The following CTCFL variants were observed in gnomAD, a reference collection of about 807,000 sequenced individuals.
CTCFL encodes CCCTC-binding factor like.
CTCFL carries 36 observed loss-of-function variants against 67.4 expected under a neutral mutation model. The ratio of observed to expected loss-of-function variants is 0.53; its 90% confidence interval spans 0.41 to 0.71. The LOEUF (loss-of-function observed/expected upper bound fraction) is 0.71, where lower values mean the gene tolerates loss of function less well. Ranked by LOEUF, CTCFL falls within the 30% of genes least tolerant of loss-of-function variation. CTCFL has a pLI of 0.00. For synonymous variants in CTCFL, 324 were observed against 302.3 expected, an observed-to-expected ratio of 1.07 and a Z score of -0.75; for missense variants, 786 against 835.2, an observed-to-expected ratio of 0.94 and a Z score of 0.73.
Position 57,523,875 on chromosome 20 carries a change from C to T in CTCFL, c.331G>A (p.Val111Met), listed in dbSNP as rs2069609419. Residue 111 changes from valine (V) to methionine (M), a missense_variant, in exon 2 of 11, where the codon GTG becomes ATG. Physicochemically the swap from Val to Met is conservative, Grantham distance 21. This residue lies in a region of CTCFL where 333 missense variants were observed against 304.6 expected (regional missense o/e 1.09). Transcript: ENST00000243914. ...SIQQQEGVQV[V>M]VQQPGPGLLW... is the part of the protein sequence containing the mutation. The stretch of plus-strand genomic sequence containing the variant: ...AACCCAGGGCCAGGCTGTTGCACCA[C>T]CACCTGCACCCCTTCTTGCTGCTGT... 2 of 1,613,224 alleles carry T rather than the reference C, an allele frequency of 1.2e-6. No individual in the cohort carries two copies. Among genetic ancestry groups the T allele is most frequent in the African/African-American group, 1.3e-5 (1 of 75,064 alleles).
chr20:57,504,264 CTG>C (rs2068075212), intron 9 of CTCFL, among the ~76,000 whole-genome samples: 8 of 147,472 alleles, frequency 5.4e-5, no homozygotes, highest in Non-Finnish European at 7.5e-5. Flanking sequence ...GCATGAGCCA[CTG>C]CACCCGCCCC....
chr20:57,515,901 A>C, intron 5 of CTCFL, 67 bp from the exon 6 acceptor site: 1 of 1,511,328 alleles, frequency 6.6e-7, no homozygotes, highest in Admixed American at 2.0e-5. Context: ...TCCATTAATC[A>C]GCATTGTAAA....
intron 5 of CTCFL, chr20:57,518,543 T>TC: frequency 2.1e-6 from 3 of 1,415,974 alleles, no homozygotes; most frequent in Non-Finnish European, 2.8e-6. Context: ...AACCTTTACA[T>TC]ATTATTTTCA....
At chr20:57,510,761 G>T (rs1410638141) in intron 8 of CTCFL, among the ~76,000 whole-genome samples, 1 of 152,228 alleles carries the variant, frequency 6.6e-6, no homozygotes, top group African/African-American at 2.4e-5. Flanking sequence ...TACTCAGGAG[G>T]CTGAGGCAGG....
At position 57,525,080 on chromosome 20, in the gene CTCFL, T is replaced by G. The variant is rs2069774855; in HGVS notation, c.-64A>C. 6.6e-6 allele frequency: 1 copy of G among 151,980 alleles called. No homozygotes were observed. Among genetic ancestry groups the G allele is most frequent in the East Asian group, 1.9e-4 (1 of 5,132 alleles). The allele number at this position is 151,980 out of a possible 1,614,324, so 9.4% of individuals were successfully genotyped here. On this transcript the variant is annotated 5_prime_UTR_variant, in exon 1 of 11. Coordinates refer to ENST00000243914, the MANE Select transcript of CTCFL (RefSeq NM_001386993.1). The stretch of plus-strand genomic sequence containing the variant: ...CCCACTCCGTCTTTGGCTTGTGGGC[T>G]CTGCCTCGTGCACCGCGTGCTGCAG...
At position 57,504,583 on chromosome 20, in the gene CTCFL, G is replaced by T. The variant is rs2068098722; in HGVS notation, c.1675-982C>A. The stretch of plus-strand genomic sequence containing the variant: ...AGGCGTGAGCCACCGCACTGGCCAA[G>T]ATAACATCCTAACATCCGTCCCTGA... On this transcript the variant is annotated intron_variant, in intron 9 of 10. Transcript: ENST00000243914. 2.6e-5 allele frequency among the ~76,000 whole-genome samples: 4 copies of T among 151,758 alleles called. No homozygotes were observed. In the South Asian group the frequency reaches 8.3e-4, roughly 31 times the overall value.
rs1272079969 is a variant in CTCFL at position 57,498,153 on chromosome 20, G to A, written c.*397C>T. On this transcript the variant is annotated 3_prime_UTR_variant, in exon 11 of 11. Coordinates refer to ENST00000243914, the MANE Select transcript of CTCFL (RefSeq NM_001386993.1). ...GACTGTGGAAGCACTAGCTGGTCTA[G>A]ACTATTTTGAAATATCCAAAAATCA... The A allele has an allele frequency of 3.0e-6, 3 of 989,844 alleles. No homozygotes were observed. 61.3% of individuals were successfully genotyped at this position (989,844 alleles called of 1,614,324 possible).
At chr20:57,525,224 T>G (rs1222003014), upstream of CTCFL, 2 of 103,398 alleles carry the variant, frequency 1.9e-5, no homozygotes, top group South Asian at 4.0e-4. Context: ...GAGGGGGTGA[T>G]GTACTGTGGG....
intron 3 of CTCFL, among the ~76,000 whole-genome samples, chr20:57,521,134 C>T (rs1276338154): frequency 6.6e-6 from 1 of 152,220 alleles, no homozygotes; most frequent in Non-Finnish European, 1.5e-5. Flanking sequence ...ATTTCACACT[C>T]GTAGCTTCCA....
At chr20:57,521,138 G>A (rs957619013) in intron 3 of CTCFL, among the ~76,000 whole-genome samples, 1 of 152,352 alleles carries the variant, frequency 6.6e-6, no homozygotes, top group South Asian at 2.1e-4. Context: ...CACACTCGTA[G>A]CTTCCACAAC....
intron 10 of CTCFL, among the ~76,000 whole-genome samples, chr20:57,499,079 G>T (rs1180694665): frequency 9.0e-5 from 11 of 122,024 alleles, no homozygotes; most frequent in Middle Eastern, 4.0e-3. Context: ...GTGACGGGGG[G>T]GGGGTGGGGG....
chr20:57,503,484 C>T lies in CTCFL; in HGVS notation c.1792G>A (p.Gly598Ser), dbSNP rs947688028. 1.9e-6 allele frequency: 3 copies of T among 1,614,228 alleles called. No individual in the cohort carries two copies. The highest frequency in any genetic ancestry group is 2.2e-5 in the South Asian group (2 of 91,082). ...KQTILKEATK[G>S]QKEAAKGWKE... is the part of the protein sequence containing the mutation. Reference sequence around the variant, plus strand: ...CATCCCTTCGCAGCTTCCTTCTGACCCTTTGTGGCTTCCTTCAGGATGGTC... The same window carrying T: ...CATCCCTTCGCAGCTTCCTTCTGACTCTTTGTGGCTTCCTTCAGGATGGTC... The change falls in exon 10 of 11, where the codon GGT (glycine) becomes AGT (serine). Residue 598 changes from glycine (G) to serine (S), a missense_variant. Gly to Ser is a moderately conservative substitution (Grantham distance 56, BLOSUM62 0). Coordinates refer to ENST00000243914, the MANE Select transcript of CTCFL (RefSeq NM_001386993.1).
chr20:57,496,211 C>G (rs1430879282), downstream of CTCFL: 2 of 597,748 alleles, frequency 3.3e-6, no homozygotes, highest in Non-Finnish European at 6.1e-6. Context: ...TCTGGTCGTT[C>G]AGAGGAGTGT....
At chr20:57,524,725 G>A (rs1451515424) in intron 1 of CTCFL, 20 of 997,752 alleles carry the variant, frequency 2.0e-5, no homozygotes, top group Non-Finnish European at 2.4e-5. Context: ...CATTCCCCTC[G>A]TGCACGGTTC....
At position 57,523,967 on chromosome 20, in the gene CTCFL, A is replaced by G. The variant is rs576694686; in HGVS notation, c.239T>C (p.Leu80Pro). 6.2e-7 allele frequency: 1 copy of G among 1,613,168 alleles called. No homozygotes were observed. Among genetic ancestry groups the G allele is most frequent in the Admixed American group, 1.7e-5 (1 of 60,024 alleles). The change falls in exon 2 of 11, where the codon CTG (leucine) becomes CCG (proline). Residue 80 changes from leucine to proline, a missense_variant. By Grantham distance (98) the Leu-to-Pro change is moderately conservative. Around this residue, in one of 3 missense-constraint regions of CTCFL, gnomAD observed 333 missense variants for 304.6 expected, o/e 1.09. Transcript: ENST00000243914. ...AGTGAAGTGCACCGTCTGCAGGGTC[A>G]GGATGTACTTCTCGCTCTCCTCCGA... is the stretch of plus-strand genomic sequence containing the variant. ...APSEESEKYI[L>P]TLQTVHFTSE...
At chr20:57,518,530 G>C in intron 5 of CTCFL, 1 of 1,413,992 alleles carries the variant, frequency 7.1e-7, no homozygotes, top group Non-Finnish European at 9.3e-7. Context: ...TTTGTAATTT[G>C]TAAACCTTTA....
At position 57,519,507 on chromosome 20, in the gene CTCFL, C is replaced by T. The variant is rs1341480024; in HGVS notation, c.755-130G>A. 3.8e-6 allele frequency: 3 copies of T among 787,900 alleles called. No homozygotes were observed. In the African/African-American group the frequency reaches 5.2e-5, roughly 14 times the overall value. The allele number at this position is 787,900 out of a possible 1,614,324, so 48.8% of individuals were successfully genotyped here. A position where few individuals can be genotyped will look rare whatever the true frequency, so the allele number is the denominator to read the frequency against. ...CAATAGCACATGCTATTTATATCCA[C>T]AAGCTGATCGAAGCAATTCAGGACA... On this transcript the variant is annotated intron_variant, in intron 3 of 10. Transcript: ENST00000243914.
chr20:57,498,057 T>C lies in CTCFL; in HGVS notation c.*493A>G, dbSNP rs114653600. The C allele has an allele frequency of 3.2e-3, 2,869 of 898,054 alleles. 77 individuals are homozygous for C. In the African/African-American group the frequency reaches 0.047, roughly 15 times the overall value. 55.6% of individuals were successfully genotyped at this position (898,054 alleles called of 1,614,324 possible). ...TCATTTGTATAAAAACATTTGTCTT[T>C]AATGTTTAAAACCATATATTATTAG... On this transcript the variant is annotated 3_prime_UTR_variant, in exon 11 of 11. Coordinates refer to ENST00000243914, the MANE Select transcript of CTCFL (RefSeq NM_001386993.1).
chr20:57,496,273 C>T (rs1372939785), downstream of CTCFL: 2 of 694,386 alleles, frequency 2.9e-6, no homozygotes, highest in East Asian at 2.7e-5. Context: ...CGCCTACTCC[C>T]TCTTCGCCTT....
Sources: allele counts gnomAD v4.1 joint callset (sites outside exome capture counted in the v4.1 genomes callset), GRCh38; gene constraint gnomAD v4.1.1; regional missense constraint gnomAD v4.1.1; transcripts MANE v1.5; gene names NCBI Gene and HGNC (gene_info 2026-07-23, HGNC 2026-07-21).